The following TBC1D5 variants were observed in gnomAD, a reference collection of about 807,000 sequenced individuals.
TBC1D5 encodes TBC1 domain family, member 5.
In TBC1D5, 75 loss-of-function variants were observed where a neutral mutation model predicts 100.3. The observed-to-expected ratio is 0.75, with a 90% CI of 0.62 to 0.91. TBC1D5 has a LOEUF of 0.91. Among genes scored for constraint, TBC1D5 ranks in the 40% least tolerant of loss-of-function variants. The pLI, the probability that TBC1D5 is intolerant of heterozygous loss-of-function variation, is 0.00. For synonymous variants in TBC1D5, 323 were observed against 325.6 expected (o/e 0.99, Z 0.09); for missense variants, 910 against 942.4 (o/e 0.97, Z 0.45).
At chr3:17,261,845 GTT>G (rs34656348) in intron 15 of TBC1D5, among the ~76,000 whole-genome samples, 58,503 of 143,246 alleles carry the variant, frequency 0.41, 12,106 homozygotes, top group Middle Eastern at 0.51. Context: ...TCTTAAAGGA[GTT>G]TTTTTTTTTT....
chr3:17,606,218 A>C (rs969052028), intron 2 of TBC1D5, among the ~76,000 whole-genome samples: 11 of 152,126 alleles, frequency 7.2e-5, no homozygotes, highest in African/African-American at 2.4e-4. Flanking sequence ...AGGAGGGAGG[A>C]TCGCTTGAGC....
chr3:17,543,000 A>G (rs1379403594), intron 2 of TBC1D5, among the ~76,000 whole-genome samples: 5 of 152,258 alleles, frequency 3.3e-5, no homozygotes, highest in Admixed American at 3.3e-4. Flanking sequence ...TATTACACAT[A>G]GAATTTTTTA....
intron 1 of TBC1D5, among the ~76,000 whole-genome samples, chr3:17,671,041 C>A (rs1397569306): frequency 6.6e-6 from 1 of 152,210 alleles, no homozygotes; most frequent in Non-Finnish European, 1.5e-5. Context: ...TTTTCAGCTT[C>A]CTTAGGGCCA....
intron 1 of TBC1D5, among the ~76,000 whole-genome samples, chr3:17,659,788 A>ACT (rs2066471045): frequency 6.6e-6 from 1 of 152,320 alleles, no homozygotes; most frequent in Admixed American, 6.5e-5. Flanking sequence ...GTCCTTCCTA[A>ACT]CTTAAATCCA....
At chr3:17,242,890 T>C (rs766445672) in intron 16 of TBC1D5, among the ~76,000 whole-genome samples, 2 of 152,174 alleles carry the variant, frequency 1.3e-5, no homozygotes, top group Non-Finnish European at 2.9e-5. Flanking sequence ...AAGTAGACAG[T>C]ATGGTTCACT....
intron 3 of TBC1D5, among the ~76,000 whole-genome samples, chr3:17,431,894 A>C (rs1175678218): frequency 6.6e-6 from 1 of 152,140 alleles, no homozygotes; most frequent in African/African-American, 2.4e-5. Flanking sequence ...CCATCTGTGC[A>C]CTGTTGAAAT....
At chr3:17,249,269 T>C (rs978064323) in intron 16 of TBC1D5, among the ~76,000 whole-genome samples, 1 of 152,230 alleles carries the variant, frequency 6.6e-6, no homozygotes, top group Non-Finnish European at 1.5e-5. Flanking sequence ...GCGAGAGATC[T>C]AGCTTGCGAC....
chr3:17,655,842 A>C (rs560966201), intron 1 of TBC1D5, among the ~76,000 whole-genome samples: 2 of 152,376 alleles, frequency 1.3e-5, no homozygotes, highest in East Asian at 3.9e-4. Context: ...CCAAAAGGCC[A>C]AGAAGTGATA....
intron 14 of TBC1D5, among the ~76,000 whole-genome samples, chr3:17,304,353 A>G (rs959003252): frequency 6.6e-6 from 1 of 152,168 alleles, no homozygotes; most frequent in Non-Finnish European, 1.5e-5. Flanking sequence ...GGTGTGAAGA[A>G]CAGACAATAA....
intron 13 of TBC1D5, among the ~76,000 whole-genome samples, chr3:17,324,978 ACT>A (rs1275111456): frequency 6.6e-6 from 1 of 152,148 alleles, no homozygotes; most frequent in African/African-American, 2.4e-5. Flanking sequence ...AGTAATTGAA[ACT>A]CTCATAAATT....
At chr3:17,256,258 C>T (rs984211581) in intron 16 of TBC1D5, among the ~76,000 whole-genome samples, 1 of 151,848 alleles carries the variant, frequency 6.6e-6, no homozygotes, top group Non-Finnish European at 1.5e-5. Flanking sequence ...TGAGTTGTGA[C>T]GTCTTCTGCT....
chr3:17,636,101 G>C (rs1418925448), intron 1 of TBC1D5, among the ~76,000 whole-genome samples: 1 of 152,112 alleles, frequency 6.6e-6, no homozygotes, highest in Admixed American at 6.5e-5. Flanking sequence ...GCTGAGGCAG[G>C]AGAATCGCTG....
intron 2 of TBC1D5, among the ~76,000 whole-genome samples, chr3:17,551,899 T>C (rs1576659446): frequency 6.6e-6 from 1 of 152,156 alleles, no homozygotes; most frequent in African/African-American, 2.4e-5. Context: ...TTTAAACTTA[T>C]AATAAGAAGA....
chr3:17,560,482 G>A (rs558014438), intron 2 of TBC1D5, among the ~76,000 whole-genome samples: 1 of 152,146 alleles, frequency 6.6e-6, no homozygotes, highest in East Asian at 1.9e-4. Flanking sequence ...AGCCAGCCAT[G>A]GTGGTATGAA....
chr3:17,413,780 C>T (rs564503555), intron 4 of TBC1D5, among the ~76,000 whole-genome samples: 3 of 152,126 alleles, frequency 2.0e-5, no homozygotes, highest in African/African-American at 7.2e-5. Context: ...GTTTCTATCC[C>T]ATTTTTAAGC....
chr3:17,597,128 T>C (rs2060625764), intron 2 of TBC1D5, among the ~76,000 whole-genome samples: 1 of 152,222 alleles, frequency 6.6e-6, no homozygotes, highest in Non-Finnish European at 1.5e-5. Flanking sequence ...AATTATTGCG[T>C]AGTATTTCCT....
intron 15 of TBC1D5, among the ~76,000 whole-genome samples, chr3:17,259,600 A>G (rs1559505145): frequency 6.6e-6 from 1 of 152,166 alleles, no homozygotes; most frequent in South Asian, 2.1e-4. Context: ...TTTGAGATAC[A>G]TATCTGGACA....
intron 2 of TBC1D5, among the ~76,000 whole-genome samples, chr3:17,555,401 A>C (rs923077165): frequency 6.6e-6 from 1 of 152,184 alleles, no homozygotes; most frequent in Non-Finnish European, 1.5e-5. Flanking sequence ...TTCTGTCCAG[A>C]AAGGCGGGGC....
chr3:17,333,825 G>A (rs1314595695), intron 13 of TBC1D5, among the ~76,000 whole-genome samples: 1 of 152,146 alleles, frequency 6.6e-6, no homozygotes, highest in Non-Finnish European at 1.5e-5. Context: ...AGAAGCTAGA[G>A]AAAGTGAGTT....
Sources: gnomAD v4.1 joint callset for allele counts (sites outside exome capture counted in the v4.1 genomes callset) on GRCh38, gnomAD v4.1.1 for gene constraint, MANE v1.5 for transcripts, NCBI Gene and HGNC (gene_info 2026-07-23, HGNC 2026-07-21) for gene names.